NEK6: variants seen among roughly 807,000 people sequenced by gnomAD.
NEK6 encodes the protein serine/threonine-protein kinase Nek6.
A neutral mutation model predicts 43.5 loss-of-function variants in NEK6; 27 were observed. The ratio of observed to expected loss-of-function variants is 0.62; its 90% CI spans 0.46 to 0.86. NEK6 has a LOEUF of 0.86. Among genes scored for constraint, NEK6 ranks in the 40% least tolerant of loss-of-function variants. The pLI is 0.00. For missense variants in NEK6, 318 were observed against 414.4 expected (o/e 0.77, Z 2.02); for synonymous variants, 167 against 164.1 (o/e 1.02, Z -0.14).
intron 1 of NEK6, chr9:124,293,005 G>T: frequency 6.4e-7 from 1 of 1,564,726 alleles, no homozygotes; most frequent in Non-Finnish European, 8.7e-7. Context: ...AGCCTGCCAA[G>T]GCCTCGAGGT....
At chr9:124,301,648 C>T (rs1216845174) in intron 1 of NEK6, among the ~76,000 whole-genome samples, 1 of 152,158 alleles carries the variant, frequency 6.6e-6, no homozygotes, top group Non-Finnish European at 1.5e-5. Flanking sequence ...GGGTTGAATC[C>T]GGTGTCTTCC....
intron 8 of NEK6, among the ~76,000 whole-genome samples, chr9:124,342,324 C>T (rs1829674506): frequency 6.6e-6 from 1 of 152,224 alleles, no homozygotes; most frequent in African/African-American, 2.4e-5. Flanking sequence ...GGTCGGGGAG[C>T]ACAATTTTGA....
chr9:124,309,301 G>A (rs757408018), intron 2 of NEK6, among the ~76,000 whole-genome samples: 11 of 152,250 alleles, frequency 7.2e-5, no homozygotes, highest in African/African-American at 2.7e-4. Flanking sequence ...CGTGTGAGCA[G>A]CTGGAGCCCC....
intron 1 of NEK6, among the ~76,000 whole-genome samples, chr9:124,266,418 G>T (rs958377318): frequency 6.6e-6 from 1 of 152,166 alleles, no homozygotes; most frequent in South Asian, 2.1e-4. Flanking sequence ...CAGCATGGGG[G>T]TCTGAGCTGA....
chr9:124,325,093 T>G (rs1190654822), intron 5 of NEK6, among the ~76,000 whole-genome samples: 1 of 152,008 alleles, frequency 6.6e-6, no homozygotes, highest in Non-Finnish European at 1.5e-5. Context: ...GAGAATTGCT[T>G]GAACCCAGGA....
intron 1 of NEK6, among the ~76,000 whole-genome samples, chr9:124,276,060 G>T (rs989585654): frequency 6.6e-6 from 1 of 152,178 alleles, no homozygotes; most frequent in African/African-American, 2.4e-5. Context: ...GAGGCTGGGG[G>T]GCTGGGAGGC....
intron 8 of NEK6, among the ~76,000 whole-genome samples, chr9:124,342,322 A>C (rs1288225108): frequency 1.3e-5 from 2 of 152,202 alleles, no homozygotes; most frequent in African/African-American, 2.4e-5. Context: ...ATGGTCGGGG[A>C]GCACAATTTT....
At position 124,275,286 on chromosome 9, in the gene NEK6, C is replaced by T. The variant is rs1020759967; in HGVS notation, c.-30+17201C>T. 2.6e-5 allele frequency among the ~76,000 whole-genome samples: 4 copies of T among 152,196 alleles called. No individual in the cohort carries two copies. Among genetic ancestry groups the T allele is most frequent in the Non-Finnish European group, 5.9e-5 (4 of 68,038 alleles). On this transcript the variant is annotated intron_variant, in intron 1 of 9. Transcript: ENST00000320246. The surrounding 1 kb of genome is among the most constrained non-coding windows in gnomAD (Gnocchi z 4.4). Reference sequence around the variant, plus strand: ...TTATTTAAACCAGGGCCATTTCATCCACGTCACTAACTTGCCGGATGTCTT... The same window carrying T: ...TTATTTAAACCAGGGCCATTTCATCTACGTCACTAACTTGCCGGATGTCTT...
At chr9:124,310,996 C>A (rs1833499353) in intron 2 of NEK6, among the ~76,000 whole-genome samples, 1 of 152,242 alleles carries the variant, frequency 6.6e-6, no homozygotes, top group Non-Finnish European at 1.5e-5. Context: ...TAACCAGGTT[C>A]CCCTCAGGCA....
chr9:124,306,657 A>T (rs1213630681), intron 2 of NEK6, among the ~76,000 whole-genome samples: 1 of 152,228 alleles, frequency 6.6e-6, no homozygotes, highest in Non-Finnish European at 1.5e-5. Context: ...ATGGGACCCC[A>T]CAGTGCCGCT....
chr9:124,294,627 A>C (rs571006985), intron 1 of NEK6, among the ~76,000 whole-genome samples: 31 of 152,206 alleles, frequency 2.0e-4, no homozygotes, highest in African/African-American at 7.0e-4. Flanking sequence ...TGGAAGGACC[A>C]GGGTGCTGTG....
chr9:124,294,065 C>G (rs1199802719), intron 1 of NEK6, among the ~76,000 whole-genome samples: 3 of 152,210 alleles, frequency 2.0e-5, no homozygotes, highest in Admixed American at 6.5e-5. Context: ...CAAGGTCCCA[C>G]AAGAAGTGCC....
chr9:124,312,523 G>T lies in NEK6; in HGVS notation c.105G>T (p.Thr35=). The T allele has an allele frequency of 1.2e-6, 2 of 1,613,888 alleles. No individual in the cohort carries two copies. The highest frequency in any genetic ancestry group is 8.5e-7 in the Non-Finnish European group (1 of 1,179,908). The change falls in exon 3 of 10, where the codon ACG becomes ACT. Residue 35 remains threonine, a synonymous_variant. Transcript: ENST00000320246. ...CCCCGTTCCAGAGGCATCCCAACAC[G>T]CTGTCTTTTCGCTGCTCGCTGGCGG... ...HPPDPQRHPN[T]LSFRCSLADF...
chr9:124,341,107 ATC>A (rs1470060834), intron 8 of NEK6, among the ~76,000 whole-genome samples: 2 of 152,150 alleles, frequency 1.3e-5, no homozygotes, highest in Non-Finnish European at 2.9e-5. Flanking sequence ...CAGTGGCGCA[ATC>A]TCGGCTCACT....
rs1035803745 is a variant in NEK6, at chr9:124,343,433, C to T, written c.717+3768C>T. On this transcript the variant is annotated intron_variant, in intron 8 of 9. Coordinates refer to ENST00000320246, the MANE Select transcript of NEK6 (RefSeq NM_014397.6). The surrounding 1 kb of genome is among the most constrained non-coding windows in gnomAD (Gnocchi z 5.1). Reference sequence around the variant, plus strand: ...TCAGGGACATCAGGCGCTGACCTAACCCTAGCAGCCCCGGCCTCACACAGC... The same window carrying T: ...TCAGGGACATCAGGCGCTGACCTAATCCTAGCAGCCCCGGCCTCACACAGC... Among the ~76,000 whole-genome samples, 13 of 152,226 alleles carry T rather than the reference C, an allele frequency of 8.5e-5. No individual in the cohort carries two copies. Among genetic ancestry groups the T allele is most frequent in the African/African-American group, 3.1e-4 (13 of 41,552 alleles).
At chr9:124,349,167 C>T (rs575997734) in intron 9 of NEK6, among the ~76,000 whole-genome samples, 2 of 152,382 alleles carry the variant, frequency 1.3e-5, no homozygotes, top group African/African-American at 4.8e-5. Context: ...TGCACAGTGC[C>T]CTTCCTCTCC....
At chr9:124,276,832 G>A (rs796965505) in intron 1 of NEK6, among the ~76,000 whole-genome samples, 5 of 152,348 alleles carry the variant, frequency 3.3e-5, no homozygotes, top group African/African-American at 1.2e-4. Context: ...AGGTGCAGAG[G>A]TGGGAAACAG....
chr9:124,350,106 C>CCTG (rs543192921), intron 9 of NEK6, among the ~76,000 whole-genome samples: 33 of 152,322 alleles, frequency 2.2e-4, no homozygotes, highest in East Asian at 1.5e-3. Context: ...CACCCAGCTT[C>CCTG]CTGCTGCTGC....
chr9:124,259,167 G>C (rs550812020), intron 1 of NEK6: 2 of 152,372 alleles, frequency 1.3e-5, no homozygotes, highest in East Asian at 3.9e-4. Flanking sequence ...GTGTGTGTGC[G>C]TGCTCTCTAA....
Sources: allele counts gnomAD v4.1 joint callset (sites outside exome capture counted in the v4.1 genomes callset), GRCh38; gene constraint gnomAD v4.1.1; non-coding constraint Gnocchi (gnomAD v3.1); transcripts MANE v1.5; gene names NCBI Gene and HGNC (gene_info 2026-07-23, HGNC 2026-07-21).